The following MIA2 variants were observed in gnomAD, a reference collection of about 807,000 sequenced individuals.
MIA2 encodes the protein melanoma inhibitory activity protein 2.
In MIA2, 127 loss-of-function variants were observed where a neutral mutation model predicts 167.8. The observed-to-expected ratio is 0.76, with a 90% CI of 0.66 to 0.88. The LOEUF (loss-of-function observed/expected upper bound fraction) is 0.88, where lower values mean the gene tolerates loss of function less well. Among genes scored for constraint, MIA2 ranks in the 40% least tolerant of loss-of-function variants. MIA2 has a pLI of 0.00. For synonymous variants in MIA2, 552 were observed against 541.9 expected, an observed-to-expected ratio of 1.02 and a Z score of -0.26; for missense variants, 1,690 against 1,624.7, an observed-to-expected ratio of 1.04 and a Z score of -0.69.
At chr14:39,332,747 C>T (rs1456617725) in intron 25 of MIA2, among the ~76,000 whole-genome samples, 9 of 152,038 alleles carry the variant, frequency 5.9e-5, no homozygotes, top group Non-Finnish European at 1.0e-4. Flanking sequence ...CCGTGGACTG[C>T]ACCCGCTCTC....
intron 23 of MIA2, among the ~76,000 whole-genome samples, chr14:39,381,095 C>T (rs184481893): frequency 6.6e-6 from 1 of 151,344 alleles, no homozygotes; most frequent in Admixed American, 6.6e-5. Flanking sequence ...TCTGTTTACA[C>T]TCTTGGGGTA....
chr14:39,350,691 A>G lies in MIA2; in HGVS notation c.*427A>G, dbSNP rs886331076. ...TAATAATAAAATCAGTAGTTTTTCT[A>G]TAACTATGGCTCTATTAACTTTTTT... On this transcript the variant is annotated 3_prime_UTR_variant, in exon 29 of 29. Coordinates refer to ENST00000640607, the MANE Select transcript of MIA2 (RefSeq NM_001329214.4). The G allele has an allele frequency of 2.1e-5, 3 of 142,634 alleles. No homozygotes were observed. The highest frequency in any genetic ancestry group is 4.5e-5 in the Non-Finnish European group (3 of 66,022). 8.8% of individuals were successfully genotyped at this position (142,634 alleles called of 1,614,324 possible).
chr14:39,313,336 TAAGGA>T lies in MIA2; in HGVS notation c.3018-1_3021del. The T allele has an allele frequency of 6.7e-7, 1 of 1,494,074 alleles. No homozygotes were observed. The allele number at this position is 1,494,074 out of a possible 1,614,324, so 92.6% of individuals were successfully genotyped here. Reference sequence around the variant, plus strand: ...AGAGAATTATAACATTTTTTGTTTTTAAGGAAATTAACAGTAGAGGAAAATTATCG... The same window carrying T: ...AGAGAATTATAACATTTTTTGTTTTTAATTAACAGTAGAGGAAAATTATCG... On this transcript the variant is annotated splice_acceptor_variant and splice_polypyrimidine_tract_variant and coding_sequence_variant and intron_variant, in exon 19 of 29. Transcript: ENST00000640607. LOFTEE classifies it high-confidence loss of function.
At chr14:39,348,721 G>A (rs760810009) in intron 27 of MIA2, 22 bp from the exon 28 acceptor site, 20 of 1,611,960 alleles carry the variant, frequency 1.2e-5, no homozygotes, top group South Asian at 1.1e-5. Context: ...TTTAGTGACT[G>A]CCATATGTCA....
chr14:39,327,341 G>A (rs552064642), intron 25 of MIA2, among the ~76,000 whole-genome samples: 225 of 152,164 alleles, frequency 1.5e-3, no homozygotes, highest in Non-Finnish European at 2.8e-3. Context: ...TCATCTTAGC[G>A]TGTCCTTCCC....
intron 23 of MIA2, among the ~76,000 whole-genome samples, chr14:39,357,656 T>C (rs2139261334): frequency 6.6e-6 from 1 of 152,366 alleles, no homozygotes; most frequent in South Asian, 2.1e-4. Flanking sequence ...CTCGATGGTC[T>C]TCACAATTTG....
At chr14:39,372,130 A>AT (rs2074960352) in intron 23 of MIA2, among the ~76,000 whole-genome samples, 1 of 151,940 alleles carries the variant, frequency 6.6e-6, no homozygotes, top group Admixed American at 6.5e-5. Flanking sequence ...TGTGGAATAA[A>AT]TTTCTTATAA....
At chr14:39,301,009 C>CAT (rs1232495309) in intron 14 of MIA2, among the ~76,000 whole-genome samples, 3 of 143,988 alleles carry the variant, frequency 2.1e-5, no homozygotes, top group South Asian at 2.1e-4. Context: ...TACATATATA[C>CAT]ACATATATAC....
intron 25 of MIA2, among the ~76,000 whole-genome samples, chr14:39,337,886 C>G (rs1413927934): frequency 6.6e-6 from 1 of 151,910 alleles, no homozygotes; most frequent in Non-Finnish European, 1.5e-5. Context: ...CCCGGCCAGG[C>G]TAATTTTAAA....
chr14:39,289,966 C>T (rs909195653), intron 9 of MIA2, among the ~76,000 whole-genome samples: 5 of 152,156 alleles, frequency 3.3e-5, no homozygotes, highest in African/African-American at 1.2e-4. Context: ...GGTCGTCTTG[C>T]CTCCTCCTTT....
In MIA2 at chr14:39,270,834, T is replaced by C. The variant is rs115600126; in HGVS notation, c.1888-6100T>C. Among the ~76,000 whole-genome samples, 1,415 of 152,370 alleles carry C rather than the reference T, an allele frequency of 9.3e-3. 24 individuals carry two copies. Among genetic ancestry groups the C allele is most frequent in the African/African-American group, 0.031 (1,304 of 41,588 alleles). Reference sequence around the variant, plus strand: ...GGGTGGTCTTTTTATTGTTGAGTTATAAGCATTCTTTATACATTTAGGGTG... The same window carrying C: ...GGGTGGTCTTTTTATTGTTGAGTTACAAGCATTCTTTATACATTTAGGGTG... On this transcript the variant is annotated intron_variant, in intron 6 of 28. Transcript: ENST00000640607.
chr14:39,324,689 C>T (rs969497552), intron 24 of MIA2, among the ~76,000 whole-genome samples: 13 of 151,788 alleles, frequency 8.6e-5, no homozygotes, highest in African/African-American at 2.9e-4. Flanking sequence ...TCACTGCAAC[C>T]CCTTCCTCTC....
At chr14:39,318,853 C>T (rs540892744) in intron 22 of MIA2, among the ~76,000 whole-genome samples, 2 of 152,218 alleles carry the variant, frequency 1.3e-5, no homozygotes, top group African/African-American at 4.8e-5. Context: ...ATTTAAACTC[C>T]TAGCCTCAGT....
chr14:39,257,566 G>T (rs1379150132), intron 6 of MIA2, among the ~76,000 whole-genome samples: 2 of 152,054 alleles, frequency 1.3e-5, no homozygotes, highest in African/African-American at 4.8e-5. Context: ...TTTAATTGGG[G>T]TATTTAGCCC....
chr14:39,295,705 G>A (rs865822587), intron 13 of MIA2, among the ~76,000 whole-genome samples: 3 of 152,008 alleles, frequency 2.0e-5, no homozygotes, highest in East Asian at 1.9e-4. Context: ...GACTACAGGC[G>A]CGCGCCTCCA....
At chr14:39,290,061 T>C (rs2060518371) in intron 9 of MIA2, among the ~76,000 whole-genome samples, 1 of 152,190 alleles carries the variant, frequency 6.6e-6, no homozygotes, top group African/African-American at 2.4e-5. Flanking sequence ...CACCTGGACA[T>C]TCTGGGGAGC....
At position 39,277,724 on chromosome 14, in the gene MIA2, A is replaced by G. The variant is rs1204846173; in HGVS notation, c.2019+659A>G. On this transcript the variant is annotated intron_variant, in intron 7 of 28. Transcript: ENST00000640607. ...TATATATATATATATATGTGTGTAT[A>G]TATATATATATATATATATGTGTGT... 2.3e-3 allele frequency among the ~76,000 whole-genome samples: 7 copies of G among 3,060 alleles called. 3 individuals carry two copies. Among genetic ancestry groups the G allele is most frequent in the East Asian group, 0.037 (2 of 54 alleles). 2.0% of individuals were successfully genotyped at this position (3,060 alleles called of 152,430 possible). A position where few individuals can be genotyped will look rare whatever the true frequency, so the allele number is the denominator to read the frequency against.
chr14:39,277,722 A>ATATATATATATATATATATATGTG (rs2058307498), intron 7 of MIA2, among the ~76,000 whole-genome samples: 1 of 2,774 alleles, frequency 3.6e-4, no homozygotes. Context: ...ATATGTGTGT[A>ATATATATATATATATATATATGTG]TATATATATA....
At chr14:39,292,376 G>C (rs1332567329) in intron 10 of MIA2, among the ~76,000 whole-genome samples, 5 of 151,934 alleles carry the variant, frequency 3.3e-5, no homozygotes, top group African/African-American at 1.2e-4. Context: ...TCAACATTTT[G>C]GAAATTTTTC....
Sources: allele counts gnomAD v4.1 joint callset (sites outside exome capture counted in the v4.1 genomes callset), GRCh38; gene constraint gnomAD v4.1.1; transcripts MANE v1.5; gene names NCBI Gene and HGNC (gene_info 2026-07-23, HGNC 2026-07-21).